CSMD1: variants seen among roughly 807,000 people sequenced by gnomAD.
CSMD1 encodes CUB and sushi domain-containing protein 1.
CSMD1 carries 213 observed loss-of-function variants against 417.5 expected under a neutral mutation model. The observed-to-expected ratio is 0.51, with a 90% CI of 0.46 to 0.57. The LOEUF is 0.57. CSMD1 is among the 20% of genes least tolerant of loss of function. CSMD1 has a pLI of 0.00. For missense variants in CSMD1, 6,923 were observed against 4,529.7 expected (o/e 1.53, Z -15.17); for synonymous variants, 2,862 against 1,736.8 (o/e 1.65, Z -16.11).
intron 3 of CSMD1, among the ~76,000 whole-genome samples, chr8:4,199,460 A>G (rs1799525081): frequency 6.6e-6 from 1 of 152,182 alleles, no homozygotes; most frequent in Non-Finnish European, 1.5e-5. Flanking sequence ...CAGTTTCCTG[A>G]GAAACTCCAA....
chr8:3,541,807 G>A (rs1486806518), intron 10 of CSMD1, among the ~76,000 whole-genome samples: 6 of 151,344 alleles, frequency 4.0e-5, no homozygotes, highest in Non-Finnish European at 2.9e-5. Flanking sequence ...AAAAATTTGT[G>A]CTGGGCATGA....
At chr8:3,478,892 T>C (rs1255035347) in intron 11 of CSMD1, among the ~76,000 whole-genome samples, 1 of 152,108 alleles carries the variant, frequency 6.6e-6, no homozygotes, top group African/African-American at 2.4e-5. Context: ...TCCCAGTAGG[T>C]GTGAGACTGA....
At chr8:3,221,695 T>A (rs1054364595) in intron 28 of CSMD1, among the ~76,000 whole-genome samples, 2 of 151,972 alleles carry the variant, frequency 1.3e-5, no homozygotes, top group South Asian at 2.1e-4. Context: ...GCTGCACGTA[T>A]CTCTAAGCTC....
chr8:3,898,332 A>G (rs112809791), intron 5 of CSMD1, among the ~76,000 whole-genome samples: 15 of 151,546 alleles, frequency 9.9e-5, no homozygotes, highest in African/African-American at 3.6e-4. Context: ...ATGTTATGTG[A>G]GCTATGTGTG....
At chr8:3,883,197 A>C (rs1397390856) in intron 5 of CSMD1, among the ~76,000 whole-genome samples, 1 of 152,192 alleles carries the variant, frequency 6.6e-6, no homozygotes, top group Non-Finnish European at 1.5e-5. Context: ...CAAGAAATGC[A>C]ATTTACTAGA....
intron 1 of CSMD1, among the ~76,000 whole-genome samples, chr8:4,878,794 C>T (rs1212055596): frequency 6.6e-6 from 1 of 151,802 alleles, no homozygotes. Flanking sequence ...GAGTTTATCC[C>T]TCCTCTATGA....
intron 41 of CSMD1, among the ~76,000 whole-genome samples, chr8:3,125,714 T>C (rs1342545239): frequency 6.6e-6 from 1 of 152,226 alleles, no homozygotes; most frequent in East Asian, 1.9e-4. Flanking sequence ...CCGTGGCTCA[T>C]GCCTGTAATC....
chr8:3,709,139 T>A (rs1801346895), intron 6 of CSMD1, among the ~76,000 whole-genome samples: 1 of 117,726 alleles, frequency 8.5e-6, no homozygotes, highest in Non-Finnish European at 1.7e-5. Flanking sequence ...GCATTAAACA[T>A]TTTAAGAAGT....
At chr8:4,325,018 T>G (rs796282001) in intron 3 of CSMD1, among the ~76,000 whole-genome samples, 5 of 152,218 alleles carry the variant, frequency 3.3e-5, no homozygotes, top group African/African-American at 1.2e-4. Context: ...ACTCATTGAG[T>G]GAGTGCTGCA....
intron 1 of CSMD1, among the ~76,000 whole-genome samples, chr8:4,665,105 C>A (rs928704540): frequency 1.3e-5 from 2 of 152,170 alleles, no homozygotes; most frequent in African/African-American, 4.8e-5. Context: ...GCCACCCAGC[C>A]CTGCCCTCTG....
intron 1 of CSMD1, among the ~76,000 whole-genome samples, chr8:4,794,079 C>T (rs1210831121): frequency 6.6e-6 from 1 of 152,140 alleles, no homozygotes; most frequent in Non-Finnish European, 1.5e-5. Flanking sequence ...TTATATTTTT[C>T]TCAAAACTTC....
intron 1 of CSMD1, among the ~76,000 whole-genome samples, chr8:4,879,429 GA>G (rs1283542234): frequency 6.6e-6 from 1 of 152,106 alleles, no homozygotes; most frequent in African/African-American, 2.4e-5. Flanking sequence ...GAAGAATTAG[GA>G]GGAAGTTTAG....
At chr8:3,227,101 A>G (rs1190183597) in intron 27 of CSMD1, among the ~76,000 whole-genome samples, 1 of 152,036 alleles carries the variant, frequency 6.6e-6, no homozygotes, top group Non-Finnish European at 1.5e-5. Context: ...GACTGCTCTG[A>G]AAGAGATTTT....
intron 3 of CSMD1, among the ~76,000 whole-genome samples, chr8:4,417,519 T>TA (rs904618906): frequency 7.9e-5 from 12 of 152,092 alleles, no homozygotes; most frequent in Non-Finnish European, 1.5e-4. Flanking sequence ...TTTAGTTAAA[T>TA]AAAAAAACAT....
intron 3 of CSMD1, among the ~76,000 whole-genome samples, chr8:4,379,605 G>C (rs969485292): frequency 2.0e-5 from 3 of 151,954 alleles, no homozygotes; most frequent in Non-Finnish European, 2.9e-5. Flanking sequence ...AAAAATGTTT[G>C]CAAGGTAAGC....
intron 51 of CSMD1, among the ~76,000 whole-genome samples, chr8:3,028,049 T>A (rs559485585): frequency 6.6e-6 from 1 of 152,160 alleles, no homozygotes; most frequent in Admixed American, 6.5e-5. Context: ...ACACCGTAGG[T>A]GGGCATCCCT....
At position 2,966,586 on chromosome 8, in the gene CSMD1, A is replaced by G. The variant is rs777958919; in HGVS notation, c.9084T>C (p.Thr3028=). The G allele has an allele frequency of 5.0e-6, 8 of 1,613,536 alleles. No homozygotes were observed. The highest frequency in any genetic ancestry group is 6.8e-6 in the Non-Finnish European group (8 of 1,179,708). ...CTTACTAACTTGTGCAGTCGGGAGC[A>G]GTGCCTGTCCAGGTCCCATTGGCTG... The part of the protein sequence containing the change: ...HCTANGTWTG[T]APDCTIISCG... The change falls in exon 58 of 70, where the codon ACT becomes ACC. Residue 3028 remains threonine (T), a synonymous_variant. Coordinates refer to ENST00000635120, the MANE Select transcript of CSMD1 (RefSeq NM_033225.6).
At chr8:3,751,426 CTACA>C (rs563594373) in intron 6 of CSMD1, among the ~76,000 whole-genome samples, 22 of 146,078 alleles carry the variant, frequency 1.5e-4, no homozygotes, top group African/African-American at 2.2e-4. Flanking sequence ...TTAAATATAA[CTACA>C]TACAGTTTAT....
intron 4 of CSMD1, among the ~76,000 whole-genome samples, chr8:4,003,825 T>C (rs908635705): frequency 7.0e-6 from 1 of 142,510 alleles, no homozygotes; most frequent in South Asian, 2.5e-4. Context: ...TCTGATATTC[T>C]ACCAAGGTCA....
Sources: gnomAD v4.1 joint callset for allele counts (sites outside exome capture counted in the v4.1 genomes callset) on GRCh38, gnomAD v4.1.1 for gene constraint, MANE v1.5 for transcripts, NCBI Gene and HGNC (gene_info 2026-07-23, HGNC 2026-07-21) for gene names.